The following FUT8 variants were observed in gnomAD, a reference collection of about 807,000 sequenced individuals.
The protein encoded by FUT8 is alpha-(1,6)-fucosyltransferase.
A neutral mutation model predicts 71.3 loss-of-function variants in FUT8; 29 were observed. The ratio of observed to expected loss-of-function variants is 0.41; its 90% CI spans 0.30 to 0.55. FUT8 has a LOEUF of 0.55. FUT8 is among the 20% of genes least tolerant of loss of function. The pLI is 0.34. For synonymous variants in FUT8, 254 were observed against 239.3 expected, an observed-to-expected ratio of 1.06 and a Z score of -0.57; for missense variants, 544 against 702.1, an observed-to-expected ratio of 0.77 and a Z score of 2.55.
At chr14:65,613,257 C>A (rs1400881363) in intron 3 of FUT8, among the ~76,000 whole-genome samples, 1 of 152,178 alleles carries the variant, frequency 6.6e-6, no homozygotes, top group East Asian at 1.9e-4. Context: ...TTTCTATTGT[C>A]AATTTTTCTA....
chr14:65,441,395 A>G (rs924597428), intron 1 of FUT8, among the ~76,000 whole-genome samples: 1 of 152,214 alleles, frequency 6.6e-6, no homozygotes, highest in African/African-American at 2.4e-5. Context: ...ATTTGAACCA[A>G]GCTTTCGTTC....
the FUT8 span, among the ~76,000 whole-genome samples, chr14:65,393,226 C>T: frequency 6.6e-6 from 1 of 152,128 alleles, no homozygotes; most frequent in Non-Finnish European, 1.5e-5. Flanking sequence ...CTCCATTTTG[C>T]CCCCAGATAA....
chr14:65,446,349 C>A (rs561902470), intron 1 of FUT8, among the ~76,000 whole-genome samples: 2 of 152,140 alleles, frequency 1.3e-5, no homozygotes, highest in Non-Finnish European at 2.9e-5. Flanking sequence ...TAGGTGTGAT[C>A]CCTTTGGCAA....
chr14:65,741,984 A>G, intron 10 of FUT8, 109 bp from the exon 11 acceptor site: 5 of 797,848 alleles, frequency 6.3e-6, no homozygotes, highest in South Asian at 3.5e-5. Flanking sequence ...AGAATCCACT[A>G]CTTTTCAACC....
At chr14:65,620,081 T>C (rs1392840101) in intron 5 of FUT8, among the ~76,000 whole-genome samples, 1 of 152,214 alleles carries the variant, frequency 6.6e-6, no homozygotes, top group Non-Finnish European at 1.5e-5. Context: ...ATCATCTTCA[T>C]ATTGCCAAAT....
chr14:65,691,891 C>A (rs1481164434), intron 7 of FUT8, among the ~76,000 whole-genome samples: 1 of 152,228 alleles, frequency 6.6e-6, no homozygotes, highest in African/African-American at 2.4e-5. Context: ...AGACACAGCT[C>A]ATGTTTCAGA....
the FUT8 span, among the ~76,000 whole-genome samples, chr14:65,389,613 C>G: frequency 6.6e-6 from 1 of 151,886 alleles, no homozygotes; most frequent in Non-Finnish European, 1.5e-5. Flanking sequence ...GTGCCCAGCC[C>G]TGGCTAATTT....
chr14:65,653,342 T>C (rs1891504924), intron 6 of FUT8, among the ~76,000 whole-genome samples: 1 of 152,208 alleles, frequency 6.6e-6, no homozygotes, highest in African/African-American at 2.4e-5. Context: ...TCTATCCTTC[T>C]GACTGAAGGA....
chr14:65,524,547 C>T (rs556769642), intron 2 of FUT8, among the ~76,000 whole-genome samples: 94 of 152,216 alleles, frequency 6.2e-4, no homozygotes, highest in African/African-American at 2.1e-3. Context: ...CCTCTTTTCT[C>T]AATTGAATGC....
intron 10 of FUT8, among the ~76,000 whole-genome samples, chr14:65,739,491 T>C (rs1264750093): frequency 6.6e-6 from 1 of 152,048 alleles, no homozygotes; most frequent in African/African-American, 2.4e-5. Flanking sequence ...TCTCTAAGGG[T>C]GTGGGACAGG....
chr14:65,468,229 A>C (rs544484990), intron 2 of FUT8: 84 of 627,034 alleles, frequency 1.3e-4, no homozygotes, highest in Admixed American at 6.6e-4. Flanking sequence ...GATGTCTACA[A>C]TATCACCTTT....
At chr14:65,666,062 G>A (rs759926366) in intron 6 of FUT8, among the ~76,000 whole-genome samples, 11 of 151,384 alleles carry the variant, frequency 7.3e-5, no homozygotes, top group Non-Finnish European at 1.2e-4. Flanking sequence ...AAACCTACAC[G>A]TGTACCCTTA....
chr14:65,644,915 G>A (rs553277213), intron 6 of FUT8, among the ~76,000 whole-genome samples: 18 of 152,204 alleles, frequency 1.2e-4, no homozygotes, highest in African/African-American at 4.3e-4. Flanking sequence ...CTTGCCCTTA[G>A]GGACACTGGA....
At chr14:65,645,876 C>T (rs1204130099) in intron 6 of FUT8, 1 of 152,150 alleles carries the variant, frequency 6.6e-6, no homozygotes, top group African/African-American at 2.4e-5. Flanking sequence ...ACAAAAATAT[C>T]TCTGCACAAA....
chr14:65,726,614 A>C (rs1895699778), intron 9 of FUT8, among the ~76,000 whole-genome samples: 1 of 152,230 alleles, frequency 6.6e-6, no homozygotes, highest in Non-Finnish European at 1.5e-5. Context: ...CCCTCCCACA[A>C]CACCTGAGAA....
chr14:65,440,580 G>A (rs538871594), intron 1 of FUT8, among the ~76,000 whole-genome samples: 72 of 152,146 alleles, frequency 4.7e-4, no homozygotes, highest in South Asian at 1.7e-3. Context: ...ATTCCACAGC[G>A]TACACATATA....
chr14:65,507,983 G>T (rs973756404), intron 2 of FUT8, among the ~76,000 whole-genome samples: 4 of 151,982 alleles, frequency 2.6e-5, no homozygotes, highest in Admixed American at 2.6e-4. Flanking sequence ...TTGTCTTTCG[G>T]ATAAAAGCCA....
intron 3 of FUT8, among the ~76,000 whole-genome samples, chr14:65,566,951 C>T (rs1886227287): frequency 6.6e-6 from 1 of 151,954 alleles, no homozygotes; most frequent in South Asian, 2.1e-4. Flanking sequence ...TGAAATTTAC[C>T]AGAAAACACC....
At chr14:65,386,556 GT>G in the FUT8 span, among the ~76,000 whole-genome samples, 1 of 146,808 alleles carries the variant, frequency 6.8e-6, no homozygotes. Context: ...TTGGGTCTTC[GT>G]TTTTTAATAT....
Sources: gnomAD v4.1 joint callset for allele counts (sites outside exome capture counted in the v4.1 genomes callset) on GRCh38, gnomAD v4.1.1 for gene constraint, MANE v1.5 for transcripts, NCBI Gene and HGNC (gene_info 2026-07-23, HGNC 2026-07-21) for gene names.